Variants in RAB2A observed in about 807,000 individuals in gnomAD.
RAB2A encodes the protein ras-related protein Rab-2A.
RAB2A carries 7 observed loss-of-function variants against 32.5 expected under a neutral mutation model. The observed-to-expected ratio is 0.22, with a 90% CI of 0.12 to 0.40. RAB2A has a LOEUF of 0.40. RAB2A is among the 10% of genes least tolerant of loss of function. The pLI is 1.00. For missense variants in RAB2A, 108 were observed against 260.7 expected (o/e 0.41, Z 4.03); for synonymous variants, 79 against 85.2 (o/e 0.93, Z 0.40).
intron 3 of RAB2A, chr8:60,576,309 C>T: frequency 2.2e-6 from 1 of 456,274 alleles, no homozygotes. Context: ...TATGTTCTCA[C>T]TGTTAGACCC....
At position 60,517,105 on chromosome 8, in the gene RAB2A, G is replaced by C; in HGVS notation, c.-103G>C. 8.1e-7 allele frequency: 1 copy of C among 1,238,882 alleles called. No homozygotes were observed. Among genetic ancestry groups the C allele is most frequent in the Non-Finnish European group, 1.1e-6 (1 of 937,800 alleles). 76.7% of individuals were successfully genotyped at this position (1,238,882 alleles called of 1,614,324 possible). On this transcript the variant is annotated 5_prime_UTR_variant, in exon 1 of 8. Coordinates refer to ENST00000262646, the MANE Select transcript of RAB2A (RefSeq NM_002865.3). ...GACAGCAGCAGCGGCGGCGGCGGGCGGCGCCTGGCGTTTCGAGGCTGAGCG... is the reference window on the plus strand; with the variant it reads ...GACAGCAGCAGCGGCGGCGGCGGGCCGCGCCTGGCGTTTCGAGGCTGAGCG...
chr8:60,616,147 A>G (rs550305903), intron 6 of RAB2A, among the ~76,000 whole-genome samples: 7 of 152,206 alleles, frequency 4.6e-5, no homozygotes, highest in East Asian at 1.9e-4. Context: ...TGGTACAACT[A>G]TGTTTAAAAG....
At chr8:60,571,293 G>A (rs1355063066) in intron 2 of RAB2A, among the ~76,000 whole-genome samples, 1 of 152,126 alleles carries the variant, frequency 6.6e-6, no homozygotes, top group African/African-American at 2.4e-5. Flanking sequence ...ACTATTTAGT[G>A]AAAATAGGAG....
chr8:60,525,928 GAT>G (rs529856590), intron 1 of RAB2A, among the ~76,000 whole-genome samples: 4,861 of 143,076 alleles, frequency 0.034, 120 homozygotes, highest in Non-Finnish European at 0.053. Context: ...AGAGAATAAA[GAT>G]ATATATATAT....
intron 1 of RAB2A, chr8:60,552,877 G>A (rs1324876448): frequency 6.6e-6 from 1 of 152,150 alleles, no homozygotes; most frequent in Non-Finnish European, 1.5e-5. Context: ...GGCTTGCTTT[G>A]TACCTGCTGT....
chr8:60,538,526 C>T (rs1807590993), intron 1 of RAB2A, among the ~76,000 whole-genome samples: 1 of 152,168 alleles, frequency 6.6e-6, no homozygotes, highest in African/African-American at 2.4e-5. Context: ...GTCACTACCT[C>T]TAAGGCTATG....
chr8:60,547,557 C>G (rs142097037), intron 1 of RAB2A, among the ~76,000 whole-genome samples: 1 of 140,144 alleles, frequency 7.1e-6, no homozygotes, highest in Admixed American at 7.0e-5. Context: ...CTGGATGGGG[C>G]GGCTGGCTGG....
At position 60,517,203 on chromosome 8, in the gene RAB2A, C is replaced by T. The variant is rs1178913118; in HGVS notation, c.-5C>T. 54 of 1,488,498 alleles carry T rather than the reference C, an allele frequency of 3.6e-5. No homozygotes were observed. The highest frequency in any genetic ancestry group is 4.7e-5 in the Non-Finnish European group (52 of 1,117,858). 92.2% of individuals were successfully genotyped at this position (1,488,498 alleles called of 1,614,324 possible). ...CGTGTGCCCTGGCACTGAGCGGCCG[C>T]GGCCATGGCGTACGCCTATCTCTTC... On this transcript the variant is annotated 5_prime_UTR_variant, in exon 1 of 8. Transcript: ENST00000262646.
At chr8:60,537,008 A>G (rs1046039875) in intron 1 of RAB2A, among the ~76,000 whole-genome samples, 4 of 152,126 alleles carry the variant, frequency 2.6e-5, no homozygotes, top group Non-Finnish European at 5.9e-5. Context: ...TTCCCAGTTT[A>G]TTTATTTTAC....
Position 60,546,084 on chromosome 8 carries a change from G to A in RAB2A, c.47-12768G>A, listed in dbSNP as rs1487082057. Among the ~76,000 whole-genome samples the A allele has an allele frequency of 2.0e-5, 3 of 152,164 alleles. No homozygotes were observed. In the East Asian group the frequency reaches 5.8e-4, roughly 29 times the overall value. ...AGTGTAAGATAAAAGTTAGTACATAGTAATTGTCATTTCAGAGATAACATA... is the reference window on the plus strand; with the variant it reads ...AGTGTAAGATAAAAGTTAGTACATAATAATTGTCATTTCAGAGATAACATA... On this transcript the variant is annotated intron_variant, in intron 1 of 7. Transcript: ENST00000262646.
intron 3 of RAB2A, among the ~76,000 whole-genome samples, chr8:60,583,559 GA>G (rs775880676): frequency 2.6e-5 from 4 of 152,082 alleles, no homozygotes; most frequent in East Asian, 1.9e-4. Context: ...TAAGTGTGGA[GA>G]AAAAAACTTA....
At chr8:60,555,015 C>T (rs1807913635) in intron 1 of RAB2A, among the ~76,000 whole-genome samples, 1 of 152,186 alleles carries the variant, frequency 6.6e-6, no homozygotes, top group Admixed American at 6.5e-5. Context: ...AGAATTAAGA[C>T]ATCAAGGAGA....
chr8:60,561,893 C>G (rs11778529), intron 2 of RAB2A, among the ~76,000 whole-genome samples: 34,734 of 152,018 alleles, frequency 0.23, 4,065 homozygotes, highest in Middle Eastern at 0.38. Context: ...TATCTTTTGT[C>G]CCCTGTAATG....
At chr8:60,548,812 G>C (rs1474653039) in intron 1 of RAB2A, among the ~76,000 whole-genome samples, 1 of 148,640 alleles carries the variant, frequency 6.7e-6, no homozygotes, top group Non-Finnish European at 1.5e-5. Context: ...CTGGCCGGGC[G>C]GGGGGCTGAC....
chr8:60,546,891 CTTTTT>C (rs6150606), intron 1 of RAB2A, among the ~76,000 whole-genome samples: 3 of 98,948 alleles, frequency 3.0e-5, no homozygotes, highest in African/African-American at 8.9e-5. Flanking sequence ...TTTTTTGGGT[CTTTTT>C]TTTTTTTTTT....
At chr8:60,570,040 C>G (rs543000395) in intron 2 of RAB2A, 3 of 456,050 alleles carry the variant, frequency 6.6e-6, no homozygotes, top group Non-Finnish European at 1.3e-5. Context: ...CTCATCTGCT[C>G]GGATGGAATG....
chr8:60,614,560 T>C (rs779823378), intron 6 of RAB2A, among the ~76,000 whole-genome samples: 1 of 152,202 alleles, frequency 6.6e-6, no homozygotes, highest in African/African-American at 2.4e-5. Context: ...ACAATAGTTT[T>C]AACAGGTGCC....
chr8:60,577,239 G>A (rs1803649083), intron 3 of RAB2A, among the ~76,000 whole-genome samples: 1 of 151,778 alleles, frequency 6.6e-6, no homozygotes, highest in South Asian at 2.1e-4. Flanking sequence ...TGTAGAGATG[G>A]GATTTTGCCA....
chr8:60,602,954 T>A (rs906030379), intron 6 of RAB2A, among the ~76,000 whole-genome samples: 6 of 152,174 alleles, frequency 3.9e-5, no homozygotes, highest in African/African-American at 1.4e-4. Flanking sequence ...GGATCTATCC[T>A]CAGCTTGCTC....
Sources: allele counts gnomAD v4.1 joint callset (sites outside exome capture counted in the v4.1 genomes callset), GRCh38; gene constraint gnomAD v4.1.1; transcripts MANE v1.5; gene names NCBI Gene and HGNC (gene_info 2026-07-23, HGNC 2026-07-21).